The following CPSF6 variants were observed in gnomAD, a reference collection of about 807,000 sequenced individuals.
The protein encoded by CPSF6 is cleavage and polyadenylation specificity factor subunit 6.
In CPSF6, 10 loss-of-function variants were observed where a neutral mutation model predicts 56.7. That is an observed-to-expected ratio of 0.18 (90% CI 0.11 to 0.30). The LOEUF is 0.30. Ranked by LOEUF, CPSF6 falls within the 10% of genes least tolerant of loss-of-function variation. CPSF6 has a pLI of 1.00. For missense variants in CPSF6, 419 were observed against 722.9 expected, an observed-to-expected ratio of 0.58 and a Z score of 4.82; for synonymous variants, 248 against 244.8, an observed-to-expected ratio of 1.01 and a Z score of -0.12.
chr12:69,268,395 G>GA (rs1873092919), intron 9 of CPSF6, among the ~76,000 whole-genome samples: 2 of 151,680 alleles, frequency 1.3e-5, no homozygotes, highest in East Asian at 3.9e-4. Flanking sequence ...TAGGCAGTGT[G>GA]AATGCATATA....
At chr12:69,259,636 G>A (rs1200011523) in intron 7 of CPSF6, 93 bp downstream of exon 7, 6 of 1,033,966 alleles carry the variant, frequency 5.8e-6, no homozygotes, top group Non-Finnish European at 8.3e-6. Flanking sequence ...TCATTTACAT[G>A]TAGTAGTTCT....
At chr12:69,249,937 C>G (rs1295623655) in intron 1 of CPSF6, among the ~76,000 whole-genome samples, 1 of 152,136 alleles carries the variant, frequency 6.6e-6, no homozygotes, top group Non-Finnish European at 1.5e-5. Context: ...CTTTACTATA[C>G]TCTTTTTGTT....
Position 69,253,119 on chromosome 12 carries a change from A to G in CPSF6, c.339A>G (p.Lys113=), listed in dbSNP as rs751586715. ...GAGTAAATGATATTTTGGAGATAAA[A>G]TTTTTTGAAAATCGGGCAAATGGCC... ...SLGVNDILEI[K]FFENRANGQS... The change falls in exon 3 of 10, where the codon AAA becomes AAG. Residue 113 remains lysine (K), a synonymous_variant. Transcript: ENST00000435070. 31 of 1,602,060 alleles carry G rather than the reference A, an allele frequency of 1.9e-5. No homozygotes were observed. The highest frequency in any genetic ancestry group is 2.6e-5 in the Non-Finnish European group (31 of 1,174,972).
chr12:69,255,833 G>A (rs900092522), intron 3 of CPSF6, among the ~76,000 whole-genome samples: 9 of 152,074 alleles, frequency 5.9e-5, no homozygotes, highest in Admixed American at 2.0e-4. Context: ...CACTGCACCC[G>A]GCCTCTCCAC....
At position 69,273,935 on chromosome 12, in the gene CPSF6, A is replaced by G. The variant is rs913659937; in HGVS notation, c.*4427A>G. 3 of 151,986 alleles carry G rather than the reference A, an allele frequency of 2.0e-5. No homozygotes were observed. The highest frequency in any genetic ancestry group is 7.2e-5 in the African/African-American group (3 of 41,430). The allele number at this position is 151,986 out of a possible 1,614,324, so 9.4% of individuals were successfully genotyped here. A position where few individuals can be genotyped will look rare whatever the true frequency, so the allele number is the denominator to read the frequency against. ...TTAATGGAAAGCCCTTAACAACAAC[A>G]ACAAAAAATTGTATCATTTTACCAA... On this transcript the variant is annotated 3_prime_UTR_variant, in exon 10 of 10. Coordinates refer to ENST00000435070, the MANE Select transcript of CPSF6 (RefSeq NM_007007.3).
At chr12:69,253,545 A>G (rs1385956380) in intron 3 of CPSF6, among the ~76,000 whole-genome samples, 6 of 152,198 alleles carry the variant, frequency 3.9e-5, no homozygotes, top group Non-Finnish European at 4.4e-5. Flanking sequence ...AAACTATACA[A>G]GTGGGATAGC....
intron 9 of CPSF6, among the ~76,000 whole-genome samples, chr12:69,266,252 C>G (rs896690587): frequency 6.6e-6 from 1 of 151,854 alleles, no homozygotes; most frequent in East Asian, 1.9e-4. Flanking sequence ...TCCCATGTAT[C>G]CTAACTGCTC....
At chr12:69,252,075 C>T (rs1460951318) in intron 2 of CPSF6, 3 of 455,360 alleles carry the variant, frequency 6.6e-6, no homozygotes, top group Non-Finnish European at 4.4e-6. Context: ...ATTTACATTT[C>T]TTTTTTTCAG....
At chr12:69,264,182 T>A (rs1274323788) in intron 9 of CPSF6, among the ~76,000 whole-genome samples, 1 of 152,076 alleles carries the variant, frequency 6.6e-6, no homozygotes, top group Non-Finnish European at 1.5e-5. Context: ...TTAGTTGAAA[T>A]GCTTACCTAT....
At chr12:69,253,834 G>T (rs949287948) in intron 3 of CPSF6, among the ~76,000 whole-genome samples, 2 of 151,830 alleles carry the variant, frequency 1.3e-5, no homozygotes, top group Admixed American at 6.5e-5. Flanking sequence ...TTTGGTTATC[G>T]TGGTGGTTTC....
chr12:69,256,319 A>T (rs1395817171), intron 3 of CPSF6, among the ~76,000 whole-genome samples: 1 of 152,240 alleles, frequency 6.6e-6, no homozygotes, highest in Non-Finnish European at 1.5e-5. Flanking sequence ...TAACACTGTG[A>T]AATACTAAAA....
At chr12:69,248,862 A>G (rs1370211775) in intron 1 of CPSF6, among the ~76,000 whole-genome samples, 1 of 152,154 alleles carries the variant, frequency 6.6e-6, no homozygotes, top group Non-Finnish European at 1.5e-5. Context: ...TTAATTACAT[A>G]AACGATTACC....
chr12:69,250,983 A>G (rs374577435), intron 1 of CPSF6, 146 bp from the exon 2 acceptor site: 163 of 775,610 alleles, frequency 2.1e-4, no homozygotes, highest in Middle Eastern at 3.8e-4. Flanking sequence ...GAATACATCT[A>G]TTGCATAAAG....
rs201287830 is a variant in CPSF6, at chr12:69,251,279, A to C, written c.211A>C (p.Asn71His). Residue 71 changes from asparagine (N) to histidine (H), a missense_variant, in exon 2 of 10, where the codon AAT becomes CAT. Asn to His is a moderately conservative substitution (Grantham distance 68). Around this residue, in one of 4 missense-constraint regions of CPSF6, gnomAD observed 125 missense variants for 216.4 expected, o/e 0.58. Coordinates refer to ENST00000435070, the MANE Select transcript of CPSF6 (RefSeq NM_007007.3). ...TGATGTGGGTAAAGGAGCAGCACCA[A>C]ATGTTGTCTATACATATACTGGAAA... ...GDDVGKGAAP[N>H]VVYTYTGKRI... The C allele has an allele frequency of 6.2e-7, 1 of 1,607,182 alleles. No homozygotes were observed. The highest frequency in any genetic ancestry group is 1.3e-5 in the African/African-American group (1 of 74,888).
rs144171861 is a variant in CPSF6, at chr12:69,247,283, CTTG to C, written c.61-3841_61-3839del. Reference sequence around the variant, plus strand: ...ATTTGTATATCATGTGGAGCATAATCTTGTTGTGTAAAATGTTGAGAGAATACC... The same window carrying C: ...ATTTGTATATCATGTGGAGCATAATCTTGTGTAAAATGTTGAGAGAATACC... On this transcript the variant is annotated intron_variant, in intron 1 of 9. Coordinates refer to ENST00000435070, the MANE Select transcript of CPSF6 (RefSeq NM_007007.3). Among the ~76,000 whole-genome samples, 266 of 151,664 alleles carry C rather than the reference CTTG, an allele frequency of 1.8e-3. 1 individual carries two copies. The highest frequency in any genetic ancestry group is 5.8e-3 in the African/African-American group (241 of 41,356).
intron 1 of CPSF6, among the ~76,000 whole-genome samples, chr12:69,245,018 A>G (rs940914548): frequency 2.0e-5 from 3 of 151,322 alleles, no homozygotes; most frequent in Non-Finnish European, 2.9e-5. Flanking sequence ...CAGTGCTTTG[A>G]GAGCCTGAGG....
rs571374395 is a variant in CPSF6, at chr12:69,253,883, A to G, written c.374+729A>G. Among the ~76,000 whole-genome samples the G allele has an allele frequency of 9.7e-4, 147 of 152,220 alleles. 1 individual carries two copies. Among genetic ancestry groups the G allele is most frequent in the Middle Eastern group, 3.4e-3 (1 of 294 alleles). Reference sequence around the variant, plus strand: ...TGTAAATAATGTTGCAGCAGACATCATTTTATATAAGTCTTTTGGTACAGA... The same window carrying G: ...TGTAAATAATGTTGCAGCAGACATCGTTTTATATAAGTCTTTTGGTACAGA... On this transcript the variant is annotated intron_variant, in intron 3 of 9. Coordinates refer to ENST00000435070, the MANE Select transcript of CPSF6 (RefSeq NM_007007.3).
chr12:69,265,760 G>A (rs1323147194), intron 9 of CPSF6, among the ~76,000 whole-genome samples: 4 of 151,858 alleles, frequency 2.6e-5, no homozygotes, highest in East Asian at 1.9e-4. Flanking sequence ...GTGGCACCAC[G>A]CCCGGCTAAT....
chr12:69,244,297 G>A (rs1398009991), intron 1 of CPSF6, among the ~76,000 whole-genome samples: 2 of 151,974 alleles, frequency 1.3e-5, no homozygotes, highest in African/African-American at 2.4e-5. Context: ...GTGCAGTGGC[G>A]CGATCTTGGC....
Sources: allele counts gnomAD v4.1 joint callset (sites outside exome capture counted in the v4.1 genomes callset), GRCh38; gene constraint gnomAD v4.1.1; regional missense constraint gnomAD v4.1.1; transcripts MANE v1.5; gene names NCBI Gene and HGNC (gene_info 2026-07-23, HGNC 2026-07-21).